The following STAB2 variants were observed in gnomAD, a reference collection of about 807,000 sequenced individuals.
The protein encoded by STAB2 is stabilin-2.
In STAB2, 288 loss-of-function variants were observed where a neutral mutation model predicts 338.1. The observed-to-expected ratio is 0.85, with a 90% CI of 0.77 to 0.94. The LOEUF (loss-of-function observed/expected upper bound fraction) is 0.94. Ranked by LOEUF, STAB2 falls within the 40% of genes least tolerant of loss-of-function variation. The pLI is 0.00. For missense variants in STAB2, 3,141 were observed against 3,210.1 expected (o/e 0.98, Z 0.52); for synonymous variants, 1,202 against 1,193.3 (o/e 1.01, Z -0.15).
intron 65 of STAB2, among the ~76,000 whole-genome samples, chr12:103,759,987 T>C (rs1884419500): frequency 6.6e-6 from 1 of 152,198 alleles, no homozygotes; most frequent in Non-Finnish European, 1.5e-5. Flanking sequence ...CTAAGGGCAG[T>C]AAATTGTGGC....
rs2138746653 is a variant in STAB2 at position 103,655,248 on chromosome 12, T to C, written c.1552-3T>C. On this transcript the variant is annotated splice_polypyrimidine_tract_variant and splice_region_variant and intron_variant, in intron 13 of 68. Coordinates refer to ENST00000388887, the MANE Select transcript of STAB2 (RefSeq NM_017564.10). ...GATTTTTAAGCAAAATGTCTCTTTT[T>C]AGCAAACCATAATGACAATGCTACA... The C allele has an allele frequency of 6.2e-7, 1 of 1,609,644 alleles. No individual in the cohort carries two copies. Among genetic ancestry groups the C allele is most frequent in the Non-Finnish European group, 8.5e-7 (1 of 1,178,684 alleles).
At chr12:103,622,848 C>A (rs1366176444) in intron 5 of STAB2, among the ~76,000 whole-genome samples, 1 of 152,176 alleles carries the variant, frequency 6.6e-6, no homozygotes, top group East Asian at 1.9e-4. Context: ...TTTCTCTGGG[C>A]TCTTTCTGGA....
intron 6 of STAB2, among the ~76,000 whole-genome samples, chr12:103,636,249 C>T (rs540428021): frequency 7.4e-5 from 11 of 149,000 alleles, no homozygotes; most frequent in Non-Finnish European, 1.2e-4. Context: ...TTCCTGTGTC[C>T]ATGCGTTCTC....
intron 9 of STAB2, among the ~76,000 whole-genome samples, 185 bp downstream of exon 9, chr12:103,640,441 C>T (rs1428619111): frequency 6.6e-6 from 1 of 151,996 alleles, no homozygotes. Flanking sequence ...AAACACTCAA[C>T]AATTATTTCC....
chr12:103,617,235 G>A (rs703611), intron 3 of STAB2, among the ~76,000 whole-genome samples: 2 of 152,100 alleles, frequency 1.3e-5, no homozygotes, highest in Non-Finnish European at 2.9e-5. Flanking sequence ...AACTCTCTCC[G>A]CACTAGACTG....
Position 103,591,036 on chromosome 12 carries a change from C to A in STAB2, c.215+6C>A, listed in dbSNP as rs749212127. 6.2e-7 allele frequency: 1 copy of A among 1,613,284 alleles called. No homozygotes were observed. On this transcript the variant is annotated splice_donor_region_variant and intron_variant, in intron 2 of 68. Transcript: ENST00000388887. Reference sequence around the variant, plus strand: ...GTAGGGGTTCGAGATTGCAGGTACTCATGAGAAAATAAACGTGATGGAACT... The same window carrying A: ...GTAGGGGTTCGAGATTGCAGGTACTAATGAGAAAATAAACGTGATGGAACT...
At chr12:103,661,282 TC>T (rs1874597311) in intron 17 of STAB2, among the ~76,000 whole-genome samples, 1 of 151,464 alleles carries the variant, frequency 6.6e-6, no homozygotes, top group Non-Finnish European at 1.5e-5. Context: ...GGAACACAAT[TC>T]ATTTTTAAAA....
intron 6 of STAB2, among the ~76,000 whole-genome samples, chr12:103,633,748 A>G (rs538825138): frequency 4.6e-5 from 7 of 152,342 alleles, no homozygotes; most frequent in Admixed American, 1.3e-4. Context: ...CGTTACATAC[A>G]TACTTATTAA....
chr12:103,624,220 G>T (rs1318933597), intron 5 of STAB2, among the ~76,000 whole-genome samples: 1 of 152,228 alleles, frequency 6.6e-6, no homozygotes, highest in African/African-American at 2.4e-5. Context: ...AGGTGCTGTG[G>T]TATCTTTATC....
At chr12:103,707,088 GC>G in intron 38 of STAB2, 101 bp downstream of exon 38, 1 of 1,349,624 alleles carries the variant, frequency 7.4e-7, no homozygotes, top group Non-Finnish European at 1.0e-6. Flanking sequence ...CTGGCCTGTC[GC>G]CCCAAGTGGG....
Position 103,739,474 on chromosome 12 carries a change from T to C in STAB2, c.5754+6T>C. On this transcript the variant is annotated splice_donor_region_variant and intron_variant, in intron 54 of 68. Coordinates refer to ENST00000388887, the MANE Select transcript of STAB2 (RefSeq NM_017564.10). ...CAAGGTGGAGTAAACCAAAGGTAAT[T>C]AAGACTGCAGTGATAATGTTTGGAG... 1 of 1,584,136 alleles carries C rather than the reference T, an allele frequency of 6.3e-7. No homozygotes were observed. Among genetic ancestry groups the C allele is most frequent in the South Asian group, 1.2e-5 (1 of 86,004 alleles).
At chr12:103,762,905 G>A (rs187252643) in intron 67 of STAB2, among the ~76,000 whole-genome samples, 112 of 152,332 alleles carry the variant, frequency 7.4e-4, no homozygotes, top group African/African-American at 2.5e-3. Context: ...TTGACTGGCT[G>A]TGTAAGAATA....
At chr12:103,670,006 T>A (rs1875596443) in intron 21 of STAB2, among the ~76,000 whole-genome samples, 1 of 152,370 alleles carries the variant, frequency 6.6e-6, no homozygotes, top group Middle Eastern at 3.4e-3. Flanking sequence ...GATTGCTTTT[T>A]TGAACCTATG....
chr12:103,630,223 C>A (rs1166290959), intron 5 of STAB2, among the ~76,000 whole-genome samples: 1 of 152,120 alleles, frequency 6.6e-6, no homozygotes, highest in African/African-American at 2.4e-5. Flanking sequence ...AAGGCCTCAA[C>A]AAGAATGGCA....
intron 9 of STAB2, among the ~76,000 whole-genome samples, chr12:103,647,358 A>T (rs2138717441): frequency 6.6e-6 from 1 of 152,280 alleles, no homozygotes; most frequent in East Asian, 1.9e-4. Flanking sequence ...GTCTTTCTTT[A>T]GAATGCTTTC....
intron 34 of STAB2, among the ~76,000 whole-genome samples, chr12:103,702,317 A>C (rs1878960536): frequency 6.9e-6 from 1 of 145,072 alleles, no homozygotes; most frequent in Admixed American, 6.9e-5. Flanking sequence ...TTTGAGACGG[A>C]GTCTCGCTCT....
chr12:103,612,794 G>T (rs1228673073), intron 3 of STAB2, among the ~76,000 whole-genome samples: 1 of 151,886 alleles, frequency 6.6e-6, no homozygotes, highest in African/African-American at 2.4e-5. Flanking sequence ...TTTCTGCTCT[G>T]TTTTTTTCCC....
At chr12:103,645,266 C>T (rs1222751846) in intron 9 of STAB2, among the ~76,000 whole-genome samples, 1 of 152,204 alleles carries the variant, frequency 6.6e-6, no homozygotes, top group African/African-American at 2.4e-5. Flanking sequence ...CATGGCTCAA[C>T]TGAGAACAGT....
intron 58 of STAB2, among the ~76,000 whole-genome samples, chr12:103,747,818 A>C (rs892827008): frequency 5.9e-5 from 9 of 152,078 alleles, no homozygotes; most frequent in African/African-American, 1.9e-4. Flanking sequence ...AACATGGTGA[A>C]ACCCCATCTC....
Sources: gnomAD v4.1 joint callset for allele counts (sites outside exome capture counted in the v4.1 genomes callset) on GRCh38, gnomAD v4.1.1 for gene constraint, MANE v1.5 for transcripts, NCBI Gene and HGNC (gene_info 2026-07-23, HGNC 2026-07-21) for gene names.